The following IGSF11 variants were observed in gnomAD, a reference collection of about 807,000 sequenced individuals.
IGSF11 encodes the protein immunoglobulin superfamily member 11.
A neutral mutation model predicts 41.0 loss-of-function variants in IGSF11; 22 were observed. The observed-to-expected ratio is 0.54, with a 90% CI of 0.38 to 0.77. The LOEUF is 0.77. Ranked by LOEUF, IGSF11 falls within the 30% of genes least tolerant of loss-of-function variation. The pLI is 0.00. For synonymous variants in IGSF11, 219 were observed against 201.3 expected (o/e 1.09, Z -0.74); for missense variants, 444 against 530.8 (o/e 0.84, Z 1.61).
chr3:118,995,435 A>G (rs1333795443), intron 1 of IGSF11, among the ~76,000 whole-genome samples: 1 of 152,200 alleles, frequency 6.6e-6, no homozygotes, highest in East Asian at 1.9e-4. Flanking sequence ...TGAACTAAAG[A>G]GAGGTATTAA....
chr3:118,980,488 G>T (rs1307397197), intron 1 of IGSF11, among the ~76,000 whole-genome samples: 1 of 152,176 alleles, frequency 6.6e-6, no homozygotes, highest in East Asian at 1.9e-4. Flanking sequence ...GAGGTAAAGA[G>T]TGGAACAATA....
chr3:118,965,470 C>CT (rs1170286157), intron 1 of IGSF11, among the ~76,000 whole-genome samples: 10 of 150,906 alleles, frequency 6.6e-5, no homozygotes, highest in East Asian at 1.9e-4. Context: ...TGTTTTGTTG[C>CT]TTTTTTTTGG....
chr3:118,955,524 G>C (rs1380934846), intron 1 of IGSF11, among the ~76,000 whole-genome samples: 1 of 152,108 alleles, frequency 6.6e-6, no homozygotes, highest in Non-Finnish European at 1.5e-5. Flanking sequence ...TTCATTAGCT[G>C]TCATGAAAAC....
intron 1 of IGSF11, among the ~76,000 whole-genome samples, chr3:119,142,793 C>T (rs1308833385): frequency 6.6e-6 from 1 of 152,108 alleles, no homozygotes; most frequent in Non-Finnish European, 1.5e-5. Context: ...CACACTGATA[C>T]ATGACAATAA....
intron 1 of IGSF11, among the ~76,000 whole-genome samples, chr3:119,065,516 G>C (rs900505677): frequency 5.3e-5 from 8 of 152,246 alleles, no homozygotes; most frequent in Admixed American, 5.2e-4. Context: ...AAGCAGGCGG[G>C]GGGCAGTGGC....
chr3:119,133,180 T>C (rs1231645475), intron 1 of IGSF11, among the ~76,000 whole-genome samples: 2 of 151,896 alleles, frequency 1.3e-5, no homozygotes, highest in Non-Finnish European at 2.9e-5. Context: ...AGCAAACAAA[T>C]TCAAAAGCTA....
At chr3:118,957,225 A>G (rs981135523) in intron 1 of IGSF11, among the ~76,000 whole-genome samples, 2 of 152,170 alleles carry the variant, frequency 1.3e-5, no homozygotes, top group Admixed American at 1.3e-4. Context: ...CAGGCTCTCA[A>G]CTGACTAGAC....
chr3:119,053,561 G>T (rs944032251), intron 1 of IGSF11, among the ~76,000 whole-genome samples: 1 of 152,138 alleles, frequency 6.6e-6, no homozygotes, highest in African/African-American at 2.4e-5. Flanking sequence ...TGGATGGGTA[G>T]AATCAATATT....
Position 118,902,478 on chromosome 3 carries a change from C to A in IGSF11, c.*42G>T. 1 of 417,358 alleles carries A rather than the reference C, an allele frequency of 2.4e-6. No individual in the cohort carries two copies. The highest frequency in any genetic ancestry group is 1.9e-5 in the South Asian group (1 of 52,068). 25.9% of individuals were successfully genotyped at this position (417,358 alleles called of 1,614,324 possible). A position where few individuals can be genotyped will look rare whatever the true frequency, so the allele number is the denominator to read the frequency against. Reference sequence around the variant, plus strand: ...CCCCACCCTCCCCCTTGTATGAGGGCATTCCATTTATTCATTTCTGAACAC... The same window carrying A: ...CCCCACCCTCCCCCTTGTATGAGGGAATTCCATTTATTCATTTCTGAACAC... On this transcript the variant is annotated 3_prime_UTR_variant, in exon 7 of 7. Coordinates refer to ENST00000393775, the MANE Select transcript of IGSF11 (RefSeq NM_001015887.3).
intron 1 of IGSF11, among the ~76,000 whole-genome samples, chr3:119,089,343 T>C (rs1355982280): frequency 6.6e-6 from 1 of 152,040 alleles, no homozygotes; most frequent in Non-Finnish European, 1.5e-5. Flanking sequence ...ATTATCACAA[T>C]AGACACAGAA....
chr3:119,106,677 G>C (rs1486812057), upstream of IGSF11, among the ~76,000 whole-genome samples: 1 of 152,042 alleles, frequency 6.6e-6, no homozygotes, highest in Non-Finnish European at 1.5e-5. Context: ...ATGCTGGTGT[G>C]CTGCACCCAT....
At chr3:119,087,485 GAATTGGAGACGATTATTTT>G (rs2076695776) in intron 1 of IGSF11, among the ~76,000 whole-genome samples, 1 of 151,940 alleles carries the variant, frequency 6.6e-6, no homozygotes, top group Non-Finnish European at 1.5e-5. Flanking sequence ...AACCTGGATG[GAATTGGAGACGATTATTTT>G]AAGTGAAGTA....
chr3:119,017,137 G>T (rs1295369767), intron 1 of IGSF11, among the ~76,000 whole-genome samples: 1 of 150,944 alleles, frequency 6.6e-6, no homozygotes, highest in South Asian at 2.1e-4. Flanking sequence ...TCCAAGCCCA[G>T]AAAAAAGAAG....
At chr3:118,928,749 ACTCTATCCT>A in intron 2 of IGSF11, 33 bp from the exon 3 acceptor site, 2 of 1,499,640 alleles carry the variant, frequency 1.3e-6, no homozygotes, top group South Asian at 2.3e-5. Context: ...TAAACTGGCC[ACTCTATCCT>A]CTCCTAGACA....
At chr3:119,050,271 A>G (rs551455615) in intron 1 of IGSF11, among the ~76,000 whole-genome samples, 11 of 152,056 alleles carry the variant, frequency 7.2e-5, no homozygotes, top group African/African-American at 2.6e-4. Context: ...GCTAATATCC[A>G]GAACCTACAA....
At chr3:118,913,547 T>C (rs1252317695) in intron 4 of IGSF11, among the ~76,000 whole-genome samples, 3 of 152,328 alleles carry the variant, frequency 2.0e-5, no homozygotes, top group Middle Eastern at 3.4e-3. Context: ...CTAGCATTTA[T>C]ACTCACTAAA....
chr3:118,991,928 C>A (rs1193399613), intron 1 of IGSF11, among the ~76,000 whole-genome samples: 4 of 152,208 alleles, frequency 2.6e-5, no homozygotes, highest in Admixed American at 6.5e-5. Flanking sequence ...TCTCCAAGAT[C>A]CTCTGCTAGT....
chr3:118,975,367 A>T (rs1933968703), intron 1 of IGSF11, among the ~76,000 whole-genome samples: 1 of 151,800 alleles, frequency 6.6e-6, no homozygotes, highest in Non-Finnish European at 1.5e-5. Flanking sequence ...TGGATTTAAA[A>T]AAAAAAAAAA....
chr3:119,044,886 C>T (rs1038969339), intron 1 of IGSF11, among the ~76,000 whole-genome samples: 2 of 152,058 alleles, frequency 1.3e-5, no homozygotes, highest in African/African-American at 4.8e-5. Context: ...GCTTGCACTA[C>T]AAAAAATGCT....
Sources: gnomAD v4.1 joint callset for allele counts (sites outside exome capture counted in the v4.1 genomes callset) on GRCh38, gnomAD v4.1.1 for gene constraint, MANE v1.5 for transcripts, NCBI Gene and HGNC (gene_info 2026-07-23, HGNC 2026-07-21) for gene names.